Variants in BRD9 observed in about 807,000 individuals in gnomAD.
The protein encoded by BRD9 is bromodomain-containing protein 9.
In BRD9, 47 loss-of-function variants were observed where a neutral mutation model predicts 68.7. That is an observed-to-expected ratio of 0.68 (90% CI 0.54 to 0.87). BRD9 has a LOEUF of 0.87. Among genes scored for constraint, BRD9 ranks in the 40% least tolerant of loss-of-function variants. BRD9 has a pLI of 0.00. For synonymous variants in BRD9, 313 were observed against 293.9 expected (o/e 1.06, Z -0.67); for missense variants, 670 against 748.4 (o/e 0.90, Z 1.22).
chr5:870,394 G>A (rs1749964802), intron 14 of BRD9, 79 bp downstream of exon 14: 2 of 1,074,972 alleles, frequency 1.9e-6, no homozygotes, highest in Non-Finnish European at 2.9e-6. Flanking sequence ...CAGGAAGGGA[G>A]AGGAGGTGGA....
At chr5:891,366 C>G in intron 2 of BRD9, 79 bp from the exon 3 acceptor site, 1 of 1,498,178 alleles carries the variant, frequency 6.7e-7, no homozygotes, top group Non-Finnish European at 8.9e-7. Context: ...CCTCGCAGTT[C>G]TCAGGGGAGG....
At position 883,693 on chromosome 5, in the gene BRD9, G is replaced by A; in HGVS notation, c.966+245C>T. On this transcript the variant is annotated intron_variant, in intron 8 of 15. Transcript: ENST00000467963. ...GCAGCAGGGCCTCCATCAAGGAAAT[G>A]AGGTCAGTGACCACGTGGCCTCCAC... 8.7e-6 allele frequency: 5 copies of A among 572,958 alleles called. No individual in the cohort carries two copies. The South Asian group carries it at 1.0e-4, about 12-fold the overall frequency. The allele number at this position is 572,958 out of a possible 1,614,324, so 35.5% of individuals were successfully genotyped here.
In BRD9 at chr5:892,660, C is replaced by A; in HGVS notation, c.-3G>T. 1 of 1,415,796 alleles carries A rather than the reference C, an allele frequency of 7.1e-7. No homozygotes were observed. The highest frequency in any genetic ancestry group is 9.2e-7 in the Non-Finnish European group (1 of 1,082,914). 87.7% of individuals were successfully genotyped at this position (1,415,796 alleles called of 1,614,324 possible). A position where few individuals can be genotyped will look rare whatever the true frequency, so the allele number is the denominator to read the frequency against. ...TGCTTCTTGTGCTTCTTGCCCATGGCGGCGCCGGCGGCGGGCCCGAGGCGG... is the reference window on the plus strand; with the variant it reads ...TGCTTCTTGTGCTTCTTGCCCATGGAGGCGCCGGCGGCGGGCCCGAGGCGG... On this transcript the variant is annotated 5_prime_UTR_variant, in exon 1 of 16. Coordinates refer to ENST00000467963, the MANE Select transcript of BRD9 (RefSeq NM_023924.5).
At chr5:889,777 A>G (rs759191814) in intron 3 of BRD9, 130 bp from the exon 4 acceptor site, 7 of 1,513,812 alleles carry the variant, frequency 4.6e-6, no homozygotes, top group Non-Finnish European at 4.4e-6. Flanking sequence ...CTGGGGATAT[A>G]AAGATACATC....
intron 5 of BRD9, 95 bp from the exon 6 acceptor site, chr5:887,566 A>G (rs1201059821): frequency 1.1e-6 from 1 of 918,570 alleles, no homozygotes. Context: ...GGAAAAAGCT[A>G]CAATCGAGTA....
chr5:868,110 T>A (rs577623609), intron 14 of BRD9, among the ~76,000 whole-genome samples: 86 of 152,260 alleles, frequency 5.6e-4, no homozygotes, highest in African/African-American at 2.1e-3. Context: ...TCTCATGAGA[T>A]CTGGTTGTTT....
chr5:878,283 G>A (rs2150586816), intron 11 of BRD9, 72 bp downstream of exon 11: 5 of 1,590,206 alleles, frequency 3.1e-6, no homozygotes, highest in Non-Finnish European at 4.3e-6. Flanking sequence ...ACACATGTGG[G>A]ACTCCACGTC....
chr5:870,951 C>A (rs991561997), intron 13 of BRD9, among the ~76,000 whole-genome samples: 2 of 152,240 alleles, frequency 1.3e-5, no homozygotes, highest in Non-Finnish European at 2.9e-5. Context: ...CCTTTCCTTT[C>A]CCAGCAAGGC....
chr5:868,451 G>A (rs745683476), intron 14 of BRD9, among the ~76,000 whole-genome samples: 3 of 152,236 alleles, frequency 2.0e-5, no homozygotes, highest in Non-Finnish European at 4.4e-5. Flanking sequence ...CTGTCACAGC[G>A]GCCTGGGGCC....
chr5:889,770 G>A (rs1218824627), intron 3 of BRD9, 123 bp from the exon 4 acceptor site: 1 of 1,524,380 alleles, frequency 6.6e-7, no homozygotes, highest in Admixed American at 1.8e-5. Context: ...CCGAGAACTG[G>A]GGATATAAAG....
At position 892,661 on chromosome 5, in the gene BRD9, G is replaced by T; in HGVS notation, c.-4C>A. The stretch of plus-strand genomic sequence containing the variant: ...GCTTCTTGTGCTTCTTGCCCATGGC[G>T]GCGCCGGCGGCGGGCCCGAGGCGGG... On this transcript the variant is annotated 5_prime_UTR_variant, in exon 1 of 16. Coordinates refer to ENST00000467963, the MANE Select transcript of BRD9 (RefSeq NM_023924.5). 7.1e-7 allele frequency: 1 copy of T among 1,417,050 alleles called. No individual in the cohort carries two copies. The highest frequency in any genetic ancestry group is 9.2e-7 in the Non-Finnish European group (1 of 1,083,734). 87.8% of individuals were successfully genotyped at this position (1,417,050 alleles called of 1,614,324 possible).
intron 12 of BRD9, among the ~76,000 whole-genome samples, 185 bp downstream of exon 12, chr5:875,914 GCA>G (rs1176861408): frequency 6.6e-6 from 1 of 152,232 alleles, no homozygotes; most frequent in African/African-American, 2.4e-5. Context: ...GGAGTGGTGA[GCA>G]CACAGTCACG....
chr5:871,032 G>A (rs941143649), intron 13 of BRD9, among the ~76,000 whole-genome samples: 1 of 152,184 alleles, frequency 6.6e-6, no homozygotes, highest in Admixed American at 6.5e-5. Flanking sequence ...CTCGGCCTCT[G>A]CCCTCAAACA....
In BRD9 at chr5:889,042, G is replaced by C; in HGVS notation, c.585C>G (p.Tyr195Ter). The change falls in exon 5 of 16, where the codon TAC becomes TAG. Residue 195 changes from tyrosine to a stop codon, truncating the protein, a stop_gained. Transcript: ENST00000467963. LOFTEE classifies it high-confidence loss of function. ...TTACCTTAAATTCCGTAACTGACTTGTATTCATTAGCTACAATTTTGTCTT... is the reference window on the plus strand; with the variant it reads ...TTACCTTAAATTCCGTAACTGACTTCTATTCATTAGCTACAATTTTGTCTT... ...TMKDKIVANE[Y>*]KSVTEFKADF... is the part of the protein sequence containing the mutation. 6.2e-7 allele frequency: 1 copy of C among 1,608,956 alleles called. No homozygotes were observed. Among genetic ancestry groups the C allele is most frequent in the Non-Finnish European group, 8.5e-7 (1 of 1,178,718 alleles).
intron 8 of BRD9, 69 bp from the exon 9 acceptor site, chr5:881,251 C>G: frequency 6.8e-7 from 1 of 1,462,970 alleles, no homozygotes; most frequent in Non-Finnish European, 9.5e-7. Flanking sequence ...AAATGAAGAC[C>G]AACAAGCAGG....
Position 889,073 on chromosome 5 carries a change from G to A in BRD9, c.554C>T (p.Thr185Ile). Residue 185 changes from threonine to isoleucine, a missense_variant, in exon 5 of 16, where the codon ACC becomes ATC. Thr to Ile is a moderately conservative substitution (Grantham distance 89). Transcript: ENST00000467963. ...ATTAGCTACAATTTTGTCTTTCATG[G>A]TGCCAAAATCCATGGGATGTTTTAT... Reference protein sequence around the residue: ...MIIKHPMDFGTMKDKIVANEY... With the variant: ...MIIKHPMDFGIMKDKIVANEY... 1 of 1,610,442 alleles carries A rather than the reference G, an allele frequency of 6.2e-7. No individual in the cohort carries two copies.
Position 889,203 on chromosome 5 carries a change from T to C in BRD9, c.462-38A>G, listed in dbSNP as rs2276107. 1.3e-5 allele frequency: 20 copies of C among 1,586,528 alleles called. No individual in the cohort carries two copies. In the East Asian group the frequency reaches 4.5e-4, roughly 36 times the overall value. On this transcript the variant is annotated intron_variant, in intron 4 of 15. Transcript: ENST00000467963. ...ACATCTTAAAGCGGAAAAATCTAGA[T>C]TTCTAAATGATACAAAATCTCTTAC...
intron 12 of BRD9, among the ~76,000 whole-genome samples, chr5:872,135 A>G (rs1370737394): frequency 1.3e-5 from 2 of 152,196 alleles, no homozygotes; most frequent in Non-Finnish European, 2.9e-5. Context: ...CTCCTTCCAC[A>G]ACTGTCGGCC....
At position 878,407 on chromosome 5, in the gene BRD9, C is replaced by T. The variant is rs753380128; in HGVS notation, c.1219G>A (p.Glu407Lys). Residue 407 changes from glutamate to lysine, a missense_variant, in exon 11 of 16, where the codon GAG becomes AAG. Coordinates refer to ENST00000467963, the MANE Select transcript of BRD9 (RefSeq NM_023924.5). ...TCTCCGTAGGCTGAGTAGAGCAGCT[C>T]CATCTCGTCCGACTTCAAGTCGCCA... Reference protein sequence around the residue: ...VFGDLKSDEMELLYSAYGDET... With the variant: ...VFGDLKSDEMKLLYSAYGDET... 6.2e-7 allele frequency: 1 copy of T among 1,614,264 alleles called. No homozygotes were observed. The highest frequency in any genetic ancestry group is 2.2e-5 in the East Asian group (1 of 44,882).
Sources: gnomAD v4.1 joint callset for allele counts (sites outside exome capture counted in the v4.1 genomes callset) on GRCh38, gnomAD v4.1.1 for gene constraint, MANE v1.5 for transcripts, NCBI Gene and HGNC (gene_info 2026-07-23, HGNC 2026-07-21) for gene names.